SERGEF: variants seen among roughly 807,000 people sequenced by gnomAD.
SERGEF encodes secretion-regulating guanine nucleotide exchange factor.
In SERGEF, 51 loss-of-function variants were observed where a neutral mutation model predicts 50.0. The ratio of observed to expected loss-of-function variants is 1.02; its 90% CI spans 0.81 to 1.29. SERGEF has a LOEUF of 1.29. Among genes scored for constraint, SERGEF ranks in the 50% most tolerant of loss-of-function variants. The pLI, the probability that SERGEF is intolerant of heterozygous loss-of-function variation, is 0.00. For missense variants in SERGEF, 521 were observed against 557.0 expected (o/e 0.94, Z 0.65); for synonymous variants, 205 against 212.4 (o/e 0.97, Z 0.30).
intron 1 of SERGEF, among the ~76,000 whole-genome samples, chr11:18,011,851 A>G (rs1854203411): frequency 6.6e-6 from 1 of 152,094 alleles, no homozygotes; most frequent in South Asian, 2.1e-4. Context: ...CAGCCAGACT[A>G]CCGCAGGTCA....
intron 1 of SERGEF, chr11:18,012,358 C>T (rs1332935470): frequency 7.2e-6 from 3 of 416,386 alleles, no homozygotes; most frequent in Non-Finnish European, 9.8e-6. Flanking sequence ...AGACACACAT[C>T]AAGATGACCC....
In SERGEF at chr11:17,960,706, G is replaced by T. The variant is rs556124744; in HGVS notation, c.845-1070C>A. On this transcript the variant is annotated intron_variant, in intron 8 of 10. Coordinates refer to ENST00000265965, the MANE Select transcript of SERGEF (RefSeq NM_012139.4). ...GCTAAAAAAATAACCATAGATTCAT[G>T]GGGAAATGTCAGAATATTGCAGTGA... 1.7e-4 allele frequency among the ~76,000 whole-genome samples: 26 copies of T among 152,246 alleles called. 1 individual carries two copies. In the South Asian group the frequency reaches 5.4e-3, roughly 32 times the overall value.
At chr11:17,931,007 G>C (rs531311433) in intron 9 of SERGEF, among the ~76,000 whole-genome samples, 1 of 152,178 alleles carries the variant, frequency 6.6e-6, no homozygotes, top group African/African-American at 2.4e-5. Context: ...GGTATTTCCT[G>C]AGCCTATTTA....
intron 9 of SERGEF, among the ~76,000 whole-genome samples, chr11:17,879,289 G>T (rs1467806901): frequency 6.6e-6 from 1 of 152,148 alleles, no homozygotes; most frequent in African/African-American, 2.4e-5. Flanking sequence ...AGGCATAAAT[G>T]GTTCCCCAGG....
chr11:17,937,887 A>C (rs138732281), intron 9 of SERGEF, among the ~76,000 whole-genome samples: 1 of 152,174 alleles, frequency 6.6e-6, no homozygotes, highest in African/African-American at 2.4e-5. Flanking sequence ...CTCTACCCAC[A>C]GGATATGTTA....
intron 10 of SERGEF, among the ~76,000 whole-genome samples, chr11:17,873,459 C>T (rs569870448): frequency 1.2e-4 from 18 of 152,150 alleles, no homozygotes; most frequent in Non-Finnish European, 2.5e-4. Context: ...GAGGAATATC[C>T]AGTGCCAAAA....
chr11:17,917,803 A>G (rs934935351), intron 9 of SERGEF, among the ~76,000 whole-genome samples: 4 of 152,256 alleles, frequency 2.6e-5, no homozygotes, highest in Non-Finnish European at 5.9e-5. Context: ...GTCCCAACCC[A>G]GACTGACTAA....
intron 4 of SERGEF, chr11:18,002,162 C>A (rs1853976701): frequency 2.7e-6 from 1 of 371,060 alleles, no homozygotes; most frequent in Non-Finnish European, 5.3e-6. Flanking sequence ...TGTTTTTCCC[C>A]AAAAAACTAA....
intron 10 of SERGEF, among the ~76,000 whole-genome samples, chr11:17,810,587 C>A (rs566153164): frequency 2.0e-5 from 3 of 152,172 alleles, no homozygotes; most frequent in Admixed American, 2.0e-4. Flanking sequence ...CCATAGCATT[C>A]CCTTGATGAG....
At chr11:17,960,272 C>A (rs909706473) in intron 8 of SERGEF, among the ~76,000 whole-genome samples, 1 of 152,062 alleles carries the variant, frequency 6.6e-6, no homozygotes, top group African/African-American at 2.4e-5. Context: ...CCATTTGGAG[C>A]CAGAAAAGCA....
intron 10 of SERGEF, among the ~76,000 whole-genome samples, chr11:17,861,305 G>T (rs748793729): frequency 6.6e-6 from 1 of 152,178 alleles, no homozygotes; most frequent in Non-Finnish European, 1.5e-5. Flanking sequence ...CACACATACA[G>T]AAGCTATTAT....
intron 2 of SERGEF, among the ~76,000 whole-genome samples, chr11:18,007,148 A>AT (rs1263003313): frequency 6.6e-6 from 1 of 152,234 alleles, no homozygotes; most frequent in East Asian, 1.9e-4. Context: ...ATTTTTAGTT[A>AT]TTTTTAAATG....
chr11:17,884,867 C>T lies in SERGEF; in HGVS notation c.1012-6623G>A, dbSNP rs1851400245. 6.6e-6 allele frequency among the ~76,000 whole-genome samples: 1 copy of T among 152,138 alleles called. No individual in the cohort carries two copies. Among genetic ancestry groups the T allele is most frequent in the African/African-American group, 2.4e-5 (1 of 41,424 alleles). Reference sequence around the variant, plus strand: ...AAAGTTTGGTTAAGTGCCTGGATGTCAAGCATGTGACATTATAGAATTTCA... The same window carrying T: ...AAAGTTTGGTTAAGTGCCTGGATGTTAAGCATGTGACATTATAGAATTTCA... On this transcript the variant is annotated intron_variant, in intron 9 of 10. Transcript: ENST00000265965. The surrounding 1 kb of genome is among the most constrained non-coding windows in gnomAD (Gnocchi z 4.6).
At chr11:17,881,504 T>C (rs1851330912) in intron 9 of SERGEF, among the ~76,000 whole-genome samples, 3 of 152,212 alleles carry the variant, frequency 2.0e-5, no homozygotes, top group Admixed American at 1.3e-4. Context: ...TCAGTGAAAC[T>C]GTATCAATGA....
intron 9 of SERGEF, among the ~76,000 whole-genome samples, chr11:17,941,629 A>T (rs1365130008): frequency 6.6e-6 from 1 of 152,126 alleles, no homozygotes; most frequent in East Asian, 1.9e-4. Context: ...TCTGCTTTCA[A>T]CTCTTTTGGA....
At chr11:17,869,225 T>C (rs1477717488) in intron 10 of SERGEF, among the ~76,000 whole-genome samples, 1 of 152,146 alleles carries the variant, frequency 6.6e-6, no homozygotes, top group East Asian at 1.9e-4. Context: ...ACATTTAATC[T>C]ATAGTAAAAT....
chr11:17,907,757 C>A (rs1218057160), intron 9 of SERGEF, among the ~76,000 whole-genome samples: 1 of 152,154 alleles, frequency 6.6e-6, no homozygotes, highest in Non-Finnish European at 1.5e-5. Context: ...AAGGTAGAGT[C>A]AGCCAAAAGG....
chr11:17,999,432 G>T, intron 5 of SERGEF: 1 of 281,134 alleles, frequency 3.6e-6, no homozygotes, highest in South Asian at 2.9e-5. Flanking sequence ...AATTTTTTTT[G>T]AAGTATAATC....
chr11:17,899,952 C>CA (rs113362559), intron 9 of SERGEF, among the ~76,000 whole-genome samples: 10,938 of 89,346 alleles, frequency 0.12, 1,129 homozygotes, highest in African/African-American at 0.31. Flanking sequence ...CTCTTGCCTC[C>CA]AAAAAAAAAA....
Sources: gnomAD v4.1 joint callset for allele counts (sites outside exome capture counted in the v4.1 genomes callset) on GRCh38, gnomAD v4.1.1 for gene constraint, Gnocchi (gnomAD v3.1) non-coding constraint, MANE v1.5 for transcripts, NCBI Gene and HGNC (gene_info 2026-07-23, HGNC 2026-07-21) for gene names.